OR51B5: variants seen among roughly 807,000 people sequenced by gnomAD.
The protein encoded by OR51B5 is olfactory receptor 51B5.
For missense variants in OR51B5, 456 were observed against 374.6 expected (o/e 1.22, Z -1.79); for synonymous variants, 186 against 144.8 (o/e 1.28, Z -2.04).
At chr11:5,442,932 G>C (rs1850712788) in intron 1 of OR51B5, among the ~76,000 whole-genome samples, 1 of 151,948 alleles carries the variant, frequency 6.6e-6, no homozygotes, top group Non-Finnish European at 1.5e-5. Context: ...TCCATTCAAG[G>C]GTACTATTTG....
intron 1 of OR51B5, among the ~76,000 whole-genome samples, chr11:5,498,362 A>T (rs574241364): frequency 2.6e-4 from 39 of 152,310 alleles, no homozygotes; most frequent in Admixed American, 6.5e-4. Context: ...ATTAGCCAGG[A>T]TGTCCCTAAC....
chr11:5,406,207 C>T (rs1850056018), intron 1 of OR51B5, among the ~76,000 whole-genome samples: 1 of 152,120 alleles, frequency 6.6e-6, no homozygotes, highest in Non-Finnish European at 1.5e-5. Flanking sequence ...AAATGTATGG[C>T]CATTGGAAAT....
intron 1 of OR51B5, among the ~76,000 whole-genome samples, chr11:5,464,618 A>T (rs1010848121): frequency 1.3e-5 from 2 of 151,878 alleles, no homozygotes; most frequent in African/African-American, 2.4e-5. Context: ...ACATGAACTC[A>T]TCATTTTTTA....
At chr11:5,396,804 T>C (rs368677254) in intron 1 of OR51B5, among the ~76,000 whole-genome samples, 1 of 152,066 alleles carries the variant, frequency 6.6e-6, no homozygotes, top group Admixed American at 6.5e-5. Flanking sequence ...TTTCAAACTA[T>C]ACTACAAGGC....
At chr11:5,473,381 T>C (rs1376175062) in intron 1 of OR51B5, among the ~76,000 whole-genome samples, 1 of 152,156 alleles carries the variant, frequency 6.6e-6, no homozygotes, top group African/African-American at 2.4e-5. Flanking sequence ...AATGAAGAAA[T>C]GAAGGCTTTA....
intron 1 of OR51B5, among the ~76,000 whole-genome samples, chr11:5,473,557 G>T (rs183113701): frequency 2.7e-4 from 41 of 152,248 alleles, no homozygotes; most frequent in African/African-American, 8.9e-4. Flanking sequence ...TATTTACTAA[G>T]TATCTGTGAT....
intron 1 of OR51B5, chr11:5,391,065 G>A (rs1431868774): frequency 6.6e-6 from 1 of 152,362 alleles, no homozygotes; most frequent in Non-Finnish European, 1.5e-5. Flanking sequence ...GCTACAGTCA[G>A]TATTTACTTG....
At chr11:5,384,006 G>T (rs1849648288) in intron 1 of OR51B5, 1 of 152,190 alleles carries the variant, frequency 6.6e-6, no homozygotes, top group East Asian at 1.9e-4. Context: ...GAGGGAAAAT[G>T]GGAATGCATA....
intron 1 of OR51B5, among the ~76,000 whole-genome samples, chr11:5,476,795 A>G (rs1851313299): frequency 1.3e-5 from 2 of 152,042 alleles, no homozygotes; most frequent in Admixed American, 1.3e-4. Context: ...GCTGTAAAAC[A>G]AGAATAATAT....
At chr11:5,489,279 C>G (rs1851542671) in intron 1 of OR51B5, 1 of 1,613,832 alleles carries the variant, frequency 6.2e-7, no homozygotes, top group Non-Finnish European at 8.5e-7. Context: ...CCCGACTGGC[C>G]TGTGCCAACA....
At chr11:5,384,480 G>C (rs1268455260) in intron 1 of OR51B5, among the ~76,000 whole-genome samples, 1 of 152,172 alleles carries the variant, frequency 6.6e-6, no homozygotes, top group Non-Finnish European at 1.5e-5. Flanking sequence ...TGCTGGAAAA[G>C]AGGCGAGCTC....
chr11:5,386,832 T>C (rs949707072), intron 1 of OR51B5, among the ~76,000 whole-genome samples: 1 of 123,884 alleles, frequency 8.1e-6, no homozygotes, highest in Admixed American at 8.0e-5. Context: ...GAGGGTTGAG[T>C]AGAGCATCAG....
chr11:5,396,416 T>C (rs1411451295), intron 1 of OR51B5, among the ~76,000 whole-genome samples: 1 of 152,200 alleles, frequency 6.6e-6, no homozygotes, highest in Non-Finnish European at 1.5e-5. Context: ...AGCATTCTTA[T>C]ACACCAATAA....
intron 1 of OR51B5, among the ~76,000 whole-genome samples, chr11:5,434,151 AG>A (rs1350356314): frequency 6.6e-6 from 1 of 152,196 alleles, no homozygotes; most frequent in African/African-American, 2.4e-5. Context: ...CTCAGGGTGT[AG>A]TACCTAATTA....
intron 1 of OR51B5, among the ~76,000 whole-genome samples, chr11:5,426,440 T>C (rs550091143): frequency 4.6e-5 from 7 of 152,262 alleles, no homozygotes; most frequent in Admixed American, 1.3e-4. Context: ...AACTCTCTTA[T>C]AGTTATTAAA....
chr11:5,397,157 G>A (rs1321569247), intron 1 of OR51B5, among the ~76,000 whole-genome samples: 1 of 152,208 alleles, frequency 6.6e-6, no homozygotes, highest in African/African-American at 2.4e-5. Context: ...TGGACTTCAT[G>A]TCTAAAACAC....
intron 1 of OR51B5, chr11:5,453,916 C>A: frequency 6.2e-7 from 1 of 1,614,228 alleles, no homozygotes; most frequent in Non-Finnish European, 8.5e-7. Context: ...GTCATTGCTG[C>A]AATGGGTTTA....
chr11:5,340,508 CT>C (rs1589940137), downstream of OR51B5: 1 of 150,918 alleles, frequency 6.6e-6, no homozygotes, highest in African/African-American at 2.4e-5. Flanking sequence ...TTGAAAAATT[CT>C]TTTTAAAAAA....
At position 5,412,608 on chromosome 11, in the gene OR51B5, G is replaced by A. The variant is rs138356963; in HGVS notation, n.85-65698C>T. On this transcript the variant is annotated intron_variant and non_coding_transcript_variant, in intron 1 of 4. Coordinates refer to the OR51B5 transcript ENST00000415970. The stretch of plus-strand genomic sequence containing the variant: ...CACCCGAATACTGCGCTTTTCCAAC[G>A]GGCTTAAAAAACTGCCCACCAGGAG... Among the ~76,000 whole-genome samples, 59 of 152,322 alleles carry A rather than the reference G, an allele frequency of 3.9e-4. 3 individuals carry two copies. In the East Asian group the frequency reaches 5.8e-3, roughly 15 times the overall value.
Sources: gnomAD v4.1 joint callset for allele counts (sites outside exome capture counted in the v4.1 genomes callset) on GRCh38, gnomAD v4.1.1 for gene constraint, MANE v1.5 for transcripts, NCBI Gene and HGNC (gene_info 2026-07-23, HGNC 2026-07-21) for gene names.